Variants in NAA35 observed in about 807,000 individuals in gnomAD.
NAA35 encodes N-alpha-acetyltransferase 35, NatC auxiliary subunit.
NAA35 carries 18 observed loss-of-function variants against 101.7 expected under a neutral mutation model. The observed-to-expected ratio is 0.18, with a 90% confidence interval of 0.12 to 0.26. NAA35 has a LOEUF of 0.26. NAA35 is among the 10% of genes least tolerant of loss of function. The pLI, the probability that NAA35 is intolerant of heterozygous loss-of-function variation, is 1.00. For synonymous variants in NAA35, 267 were observed against 273.1 expected (o/e 0.98, Z 0.22); for missense variants, 601 against 886.8 (o/e 0.68, Z 4.09).
intron 1 of NAA35, 131 bp downstream of exon 1, chr9:85,941,404 A>C: frequency 1.0e-6 from 1 of 985,332 alleles, no homozygotes; most frequent in African/African-American, 1.7e-5. Flanking sequence ...GCTGCGCGTC[A>C]GGTAGGAGCG....
chr9:85,950,656 T>C (rs921929845), intron 2 of NAA35, among the ~76,000 whole-genome samples: 6 of 152,202 alleles, frequency 3.9e-5, no homozygotes, highest in African/African-American at 1.4e-4. Context: ...GGGGTGTTTT[T>C]AAGTTTGATG....
chr9:86,000,604 G>A (rs7867005), intron 12 of NAA35, among the ~76,000 whole-genome samples: 151,185 of 152,220 alleles, frequency 0.99, 75,081 homozygotes, highest in Middle Eastern at 1. Context: ...CAGGGAATCA[G>A]TTTCTTCCTG....
At chr9:85,967,906 A>C (rs1829834137) in intron 6 of NAA35, among the ~76,000 whole-genome samples, 1 of 152,042 alleles carries the variant, frequency 6.6e-6, no homozygotes, top group Non-Finnish European at 1.5e-5. Context: ...CCTGATCTGG[A>C]GACGTTTTCT....
At chr9:85,941,310 C>T (rs1828501296) in intron 1 of NAA35, 37 bp downstream of exon 1, 2 of 985,490 alleles carry the variant, frequency 2.0e-6, no homozygotes, top group Non-Finnish European at 2.4e-6. Flanking sequence ...GAAACCCTCT[C>T]GCTCGTGTGT....
In NAA35 at chr9:85,969,270, CAAA is replaced by C. The variant is rs61275261; in HGVS notation, c.517-5680_517-5678del. ...AGGTAGATTTTGAGACCTGGTATGT[CAAA>C]AAAAAAAAAAAAAAAAGTCTTCCCT... On this transcript the variant is annotated intron_variant, in intron 6 of 22. Transcript: ENST00000361671. Among the ~76,000 whole-genome samples, 173 of 105,578 alleles carry C rather than the reference CAAA, an allele frequency of 1.6e-3. 1 individual carries two copies. Among genetic ancestry groups the C allele is most frequent in the Admixed American group, 1.4e-3 (14 of 9,748 alleles). 69.3% of individuals were successfully genotyped at this position (105,578 alleles called of 152,430 possible). A position where few individuals can be genotyped will look rare whatever the true frequency, so the allele number is the denominator to read the frequency against.
intron 11 of NAA35, among the ~76,000 whole-genome samples, chr9:85,983,358 T>C (rs1830512954): frequency 6.6e-6 from 1 of 152,164 alleles, no homozygotes; most frequent in Non-Finnish European, 1.5e-5. Context: ...GTCCAAGAGA[T>C]GGGGAAAAAC....
intron 6 of NAA35, chr9:85,966,693 T>G: frequency 8.4e-7 from 1 of 1,193,556 alleles, no homozygotes; most frequent in Non-Finnish European, 1.1e-6. Flanking sequence ...ACACTTCTGT[T>G]TTTACTAGTA....
intron 7 of NAA35, 36 bp from the exon 8 acceptor site, chr9:85,975,078 A>G: frequency 1.2e-6 from 2 of 1,611,750 alleles, no homozygotes; most frequent in Non-Finnish European, 1.7e-6. Flanking sequence ...ACATTTTCAT[A>G]TGTTTCCTTT....
At chr9:85,964,287 C>T (rs564383607) in intron 6 of NAA35, among the ~76,000 whole-genome samples, 1 of 152,262 alleles carries the variant, frequency 6.6e-6, no homozygotes, top group Non-Finnish European at 1.5e-5. Flanking sequence ...TGCTCCTGCT[C>T]ATGCTCTCTC....
At chr9:85,970,112 A>G (rs1829941930) in intron 6 of NAA35, among the ~76,000 whole-genome samples, 1 of 152,130 alleles carries the variant, frequency 6.6e-6, no homozygotes, top group Non-Finnish European at 1.5e-5. Flanking sequence ...CTGGTTTGCT[A>G]CCTCACTGGT....
intron 2 of NAA35, among the ~76,000 whole-genome samples, chr9:85,952,217 T>G (rs1051937998): frequency 9.2e-5 from 14 of 151,970 alleles, no homozygotes; most frequent in African/African-American, 3.4e-4. Flanking sequence ...ATAACCATAG[T>G]CTGTTGATTG....
intron 2 of NAA35, among the ~76,000 whole-genome samples, chr9:85,945,811 G>A (rs1437865211): frequency 2.0e-5 from 3 of 152,078 alleles, no homozygotes; most frequent in African/African-American, 7.2e-5. Flanking sequence ...GAGCCACTGT[G>A]CCCAGCCTGA....
At chr9:86,004,649 C>A (rs1831554507) in intron 13 of NAA35, among the ~76,000 whole-genome samples, 1 of 152,092 alleles carries the variant, frequency 6.6e-6, no homozygotes, top group Non-Finnish European at 1.5e-5. Flanking sequence ...TGAAAATATT[C>A]ATGAAGTCAA....
intron 2 of NAA35, among the ~76,000 whole-genome samples, chr9:85,951,818 C>T (rs1333491822): frequency 6.6e-6 from 1 of 152,156 alleles, no homozygotes; most frequent in Non-Finnish European, 1.5e-5. Flanking sequence ...CACCACCATG[C>T]CTGGCTAATT....
rs973963306 is a variant in NAA35 at position 86,022,196 on chromosome 9, G to A, written c.*236G>A. The stretch of plus-strand genomic sequence containing the variant: ...GGTCTTATTGAATGCATTGATGAAC[G>A]TTATATGGTTTTATTACAGATTTAA... On this transcript the variant is annotated 3_prime_UTR_variant, in exon 23 of 23. Coordinates refer to ENST00000361671, the MANE Select transcript of NAA35 (RefSeq NM_024635.4). 14 of 361,934 alleles carry A rather than the reference G, an allele frequency of 3.9e-5. No individual in the cohort carries two copies. The highest frequency in any genetic ancestry group is 2.1e-4 in the African/African-American group (10 of 46,864). The allele number at this position is 361,934 out of a possible 1,614,324, so 22.4% of individuals were successfully genotyped here. A position where few individuals can be genotyped will look rare whatever the true frequency, so the allele number is the denominator to read the frequency against.
intron 6 of NAA35, among the ~76,000 whole-genome samples, chr9:85,972,509 CAAAAAAAAAAA>C (rs34535924): frequency 5.3e-3 from 286 of 53,996 alleles, no homozygotes; most frequent in Non-Finnish European, 7.7e-3. Flanking sequence ...GACCCTGTCT[CAAAAAAAAAAA>C]AAAAAAAAAA....
In NAA35 at chr9:86,018,700, A is replaced by G. The variant is rs1291494797; in HGVS notation, c.1916A>G (p.Glu639Gly). Residue 639 changes from glutamate (E) to glycine (G), a missense_variant and splice_region_variant, in exon 21 of 23, where the codon GAA becomes GGA. Coordinates refer to ENST00000361671, the MANE Select transcript of NAA35 (RefSeq NM_024635.4). ...PPPVHYLQFKEMSDLNKYSPP... is the reference protein window; with the variant it reads ...PPPVHYLQFKGMSDLNKYSPP... Reference sequence around the variant, plus strand: ...AATTATACTTCCCCTTCTTTTTAGGAAATGTCTGACCTCAATAAATATAGC... The same window carrying G: ...AATTATACTTCCCCTTCTTTTTAGGGAATGTCTGACCTCAATAAATATAGC... The G allele has an allele frequency of 1.9e-6, 3 of 1,608,324 alleles. No individual in the cohort carries two copies. In the East Asian group the frequency reaches 6.7e-5, roughly 36 times the overall value.
In NAA35 at chr9:86,023,024, A is replaced by C. The variant is rs548636704; in HGVS notation, c.*1064A>C. On this transcript the variant is annotated 3_prime_UTR_variant, in exon 23 of 23. Transcript: ENST00000361671. Reference sequence around the variant, plus strand: ...AGGGTTCTCAGCTTCAAATATCTTAACTCTGATTTGGTACCTTTCATAAAA... The same window carrying C: ...AGGGTTCTCAGCTTCAAATATCTTACCTCTGATTTGGTACCTTTCATAAAA... Among the ~76,000 whole-genome samples the C allele has an allele frequency of 5.2e-4, 79 of 152,200 alleles. No individual in the cohort carries two copies. The highest frequency in any genetic ancestry group is 1.9e-3 in the African/African-American group (78 of 41,538).
In NAA35 at chr9:85,992,297, A is replaced by G. The variant is rs551819666; in HGVS notation, c.878-4102A>G. Among the ~76,000 whole-genome samples, 9 of 152,320 alleles carry G rather than the reference A, an allele frequency of 5.9e-5. No individual in the cohort carries two copies. In the South Asian group the frequency reaches 1.9e-3, roughly 32 times the overall value. ...TAGCAAAAACTTAAGCATCAAAGTA[A>G]ATAATTCTGACAGATCATAACTTAT... On this transcript the variant is annotated intron_variant, in intron 11 of 22. Coordinates refer to ENST00000361671, the MANE Select transcript of NAA35 (RefSeq NM_024635.4).
Sources: allele counts gnomAD v4.1 joint callset (sites outside exome capture counted in the v4.1 genomes callset), GRCh38; gene constraint gnomAD v4.1.1; transcripts MANE v1.5; gene names NCBI Gene and HGNC (gene_info 2026-07-23, HGNC 2026-07-21).